The following ANKS1B variants were observed in gnomAD, a reference collection of about 807,000 sequenced individuals.
ANKS1B encodes the protein ankyrin repeat and sterile alpha motif domain containing 1B.
Under a neutral mutation model 148.3 loss-of-function variants are expected in ANKS1B, and 36 were observed. The ratio of observed to expected loss-of-function variants is 0.24; its 90% confidence interval spans 0.19 to 0.32. ANKS1B has a LOEUF of 0.32. Among genes scored for constraint, ANKS1B ranks in the 10% least tolerant of loss-of-function variants. ANKS1B has a pLI of 1.00. For synonymous variants in ANKS1B, 542 were observed against 560.8 expected (o/e 0.97, Z 0.47); for missense variants, 1,157 against 1,542.6 (o/e 0.75, Z 4.19).
chr12:98,794,653 G>A lies in ANKS1B; in HGVS notation c.3342+4281C>T, dbSNP rs2098931186. On this transcript the variant is annotated intron_variant, in intron 22 of 26. Coordinates refer to ENST00000683438, the MANE Select transcript of ANKS1B (RefSeq NM_001352186.2). ...AAGTTAGGTGGACCAAAGCATTCTG[G>A]AAAGCAGCTGGTAAAGAGCTTACAG... 7 of 868,434 alleles carry A rather than the reference G, an allele frequency of 8.1e-6. No individual in the cohort carries two copies. In the South Asian group the frequency reaches 9.1e-5, roughly 11 times the overall value. 53.8% of individuals were successfully genotyped at this position (868,434 alleles called of 1,614,324 possible).
chr12:98,919,644 T>C (rs148199359), intron 17 of ANKS1B, among the ~76,000 whole-genome samples: 2 of 152,350 alleles, frequency 1.3e-5, no homozygotes, highest in East Asian at 3.9e-4. Flanking sequence ...TAATTAGATT[T>C]CTTTAAAAAG....
intron 17 of ANKS1B, among the ~76,000 whole-genome samples, chr12:99,004,607 G>C (rs1466538684): frequency 6.6e-6 from 1 of 151,950 alleles, no homozygotes; most frequent in Non-Finnish European, 1.5e-5. Flanking sequence ...GTGGAGAAAT[G>C]AGAGGAAGGT....
intron 12 of ANKS1B, among the ~76,000 whole-genome samples, chr12:99,322,262 C>T (rs1203143160): frequency 6.6e-6 from 1 of 151,744 alleles, no homozygotes; most frequent in Admixed American, 6.6e-5. Flanking sequence ...GAACAGAAAA[C>T]CAAACACTGT....
In ANKS1B at chr12:98,852,754, C is replaced by G. The variant is rs536339432; in HGVS notation, c.2779-20618G>C. 2.9e-3 allele frequency among the ~76,000 whole-genome samples: 439 copies of G among 152,196 alleles called. 9 individuals carry two copies. The highest frequency in any genetic ancestry group is 1.7e-3 in the South Asian group (8 of 4,808). ...GCCACAAAGCCTGAGCTTTTTCCCC[C>G]CCTCCATCCATCAAATTGCCTCCTC... is the stretch of plus-strand genomic sequence containing the variant. On this transcript the variant is annotated intron_variant, in intron 17 of 26. Transcript: ENST00000683438.
intron 17 of ANKS1B, among the ~76,000 whole-genome samples, chr12:98,957,571 C>T (rs1360504044): frequency 6.6e-6 from 1 of 152,044 alleles, no homozygotes; most frequent in African/African-American, 2.4e-5. Context: ...TGGTCTCAAA[C>T]TCCTGACCTT....
At chr12:99,962,718 T>C (rs374606940) in intron 1 of ANKS1B, among the ~76,000 whole-genome samples, 2 of 152,196 alleles carry the variant, frequency 1.3e-5, no homozygotes, top group African/African-American at 4.8e-5. Context: ...CTATTGTCTC[T>C]TGACTTTTTA....
chr12:99,828,385 A>G (rs916410352), intron 1 of ANKS1B, among the ~76,000 whole-genome samples: 1 of 152,154 alleles, frequency 6.6e-6, no homozygotes, highest in African/African-American at 2.4e-5. Flanking sequence ...CCAGCACACC[A>G]TTCAAAGGCC....
intron 15 of ANKS1B, among the ~76,000 whole-genome samples, chr12:99,135,570 C>T (rs1482677277): frequency 1.3e-5 from 2 of 152,190 alleles, no homozygotes; most frequent in Non-Finnish European, 2.9e-5. Context: ...ACACATCAAA[C>T]ACTGTAAGAC....
At chr12:99,525,149 G>C (rs776798785) in intron 9 of ANKS1B, among the ~76,000 whole-genome samples, 1 of 152,128 alleles carries the variant, frequency 6.6e-6, no homozygotes, top group Non-Finnish European at 1.5e-5. Flanking sequence ...TGTTACAGCA[G>C]CGTTAGGAAA....
At position 99,217,506 on chromosome 12, in the gene ANKS1B, C is replaced by A. The variant is rs538044817; in HGVS notation, c.2419+26836G>T. Reference sequence around the variant, plus strand: ...ACCTCCTCTTAAGATCCTCAGCTTCCTTAAGTTGGACCCAATACTAATTAT... The same window carrying A: ...ACCTCCTCTTAAGATCCTCAGCTTCATTAAGTTGGACCCAATACTAATTAT... On this transcript the variant is annotated intron_variant, in intron 14 of 26. Coordinates refer to ENST00000683438, the MANE Select transcript of ANKS1B (RefSeq NM_001352186.2). Among the ~76,000 whole-genome samples the A allele has an allele frequency of 2.0e-5, 3 of 152,216 alleles. No individual in the cohort carries two copies. The South Asian group carries it at 6.2e-4, about 32-fold the overall frequency.
chr12:99,299,738 A>G (rs1330138701), intron 12 of ANKS1B, among the ~76,000 whole-genome samples: 1 of 152,212 alleles, frequency 6.6e-6, no homozygotes, highest in Non-Finnish European at 1.5e-5. Context: ...TGGGAAATAG[A>G]TTAATCAACT....
chr12:99,084,536 C>T (rs908963619), intron 16 of ANKS1B, among the ~76,000 whole-genome samples: 1 of 152,076 alleles, frequency 6.6e-6, no homozygotes, highest in African/African-American at 2.4e-5. Context: ...GGCAAAATCC[C>T]ATCTCTACTA....
chr12:99,667,822 A>G (rs2098516968), intron 8 of ANKS1B, among the ~76,000 whole-genome samples: 1 of 152,158 alleles, frequency 6.6e-6, no homozygotes, highest in African/African-American at 2.4e-5. Context: ...TTCTTCCTTT[A>G]TTCTGTTAAT....
intron 14 of ANKS1B, among the ~76,000 whole-genome samples, chr12:99,184,773 G>A (rs2079586517): frequency 6.6e-6 from 1 of 152,134 alleles, no homozygotes; most frequent in Non-Finnish European, 1.5e-5. Flanking sequence ...AATTTCCTCT[G>A]CCACTTACTA....
At chr12:99,805,279 A>AAAAAAAAAAAAAAAAC in intron 4 of ANKS1B, among the ~76,000 whole-genome samples, 1 of 147,646 alleles carries the variant, frequency 6.8e-6, no homozygotes, top group South Asian at 2.1e-4. Context: ...AAAAAAAAAA[A>AAAAAAAAAAAAAAAAC]AAAAAAAAAG....
chr12:98,994,765 G>T (rs1474917345), intron 17 of ANKS1B, among the ~76,000 whole-genome samples: 1 of 152,126 alleles, frequency 6.6e-6, no homozygotes, highest in African/African-American at 2.4e-5. Flanking sequence ...CTCTGAGCAT[G>T]TTTATGTCCC....
intron 24 of ANKS1B, among the ~76,000 whole-genome samples, chr12:98,778,642 T>C (rs2098703814): frequency 6.6e-6 from 1 of 152,146 alleles, no homozygotes; most frequent in Non-Finnish European, 1.5e-5. Flanking sequence ...AGAATCTAGG[T>C]ATCTGGGCAT....
intron 17 of ANKS1B, among the ~76,000 whole-genome samples, chr12:99,050,940 G>A (rs762638661): frequency 2.6e-5 from 4 of 151,250 alleles, no homozygotes; most frequent in Admixed American, 6.6e-5. Context: ...GTTGTGATCC[G>A]CCCGCCTCGA....
At chr12:98,827,819 A>C (rs983096240) in intron 19 of ANKS1B, among the ~76,000 whole-genome samples, 16 of 152,214 alleles carry the variant, frequency 1.1e-4, no homozygotes, top group African/African-American at 3.9e-4. Flanking sequence ...GAAAAGACCC[A>C]GTTCATATTA....
Sources: allele counts gnomAD v4.1 joint callset (sites outside exome capture counted in the v4.1 genomes callset), GRCh38; gene constraint gnomAD v4.1.1; transcripts MANE v1.5; gene names NCBI Gene and HGNC (gene_info 2026-07-23, HGNC 2026-07-21).